The following GNA11 variants were observed in gnomAD, a reference collection of about 807,000 sequenced individuals.
GNA11 encodes the protein G protein subunit alpha 11, also known as guanine nucleotide-binding protein subunit alpha-11.
Under a neutral mutation model 38.2 loss-of-function variants are expected in GNA11, and 8 were observed. The observed-to-expected ratio is 0.21, with a 90% CI of 0.12 to 0.38. The LOEUF (loss-of-function observed/expected upper bound fraction) is 0.38. Ranked by LOEUF, GNA11 falls within the 10% of genes least tolerant of loss-of-function variation. GNA11 has a pLI of 1.00. For missense variants in GNA11, 268 were observed against 516.3 expected, an observed-to-expected ratio of 0.52 and a Z score of 4.66; for synonymous variants, 211 against 221.4, an observed-to-expected ratio of 0.95 and a Z score of 0.42.
chr19:3,110,495 A>G lies in GNA11; in HGVS notation c.321+162A>G, dbSNP rs1913747849. On this transcript the variant is annotated intron_variant, in intron 2 of 6. Coordinates refer to ENST00000078429, the MANE Select transcript of GNA11 (RefSeq NM_002067.5). The surrounding 1 kb of genome is among the most constrained non-coding windows in gnomAD (Gnocchi z 5.4). ...TCCTGTCATGGACATGGAAACAGCAACCGCTGACTTCCTGGGGGCCAACTG... is the reference window on the plus strand; with the variant it reads ...TCCTGTCATGGACATGGAAACAGCAGCCGCTGACTTCCTGGGGGCCAACTG... Among the ~76,000 whole-genome samples, 4 of 152,148 alleles carry G rather than the reference A, an allele frequency of 2.6e-5. No homozygotes were observed. In the South Asian group the frequency reaches 8.3e-4, roughly 32 times the overall value.
At chr19:3,107,921 TTCACACTCACCC>T (rs1913676711) in intron 1 of GNA11, among the ~76,000 whole-genome samples, 1 of 152,170 alleles carries the variant, frequency 6.6e-6, no homozygotes, top group Admixed American at 6.5e-5. Context: ...TGTTTTCACC[TTCACACTCACCC>T]TCACTCCTCC....
chr19:3,106,962 C>T (rs1281080077), intron 1 of GNA11, among the ~76,000 whole-genome samples: 2 of 152,270 alleles, frequency 1.3e-5, no homozygotes, highest in Middle Eastern at 3.4e-3. Flanking sequence ...ACAGGCCGGG[C>T]GCGGTGGCTC....
intron 4 of GNA11, chr19:3,118,076 C>G (rs1020113138): frequency 6.6e-6 from 1 of 152,204 alleles, no homozygotes; most frequent in Non-Finnish European, 1.5e-5. Context: ...CTGCTGGACT[C>G]CCCCGCAGAC....
chr19:3,113,174 GAC>G (rs928093269), intron 2 of GNA11, among the ~76,000 whole-genome samples, 154 bp from the exon 3 acceptor site: 5 of 152,228 alleles, frequency 3.3e-5, no homozygotes, highest in Non-Finnish European at 5.9e-5. Context: ...GCGTTTTTCT[GAC>G]ACGTGTTCAC....
At position 3,111,316 on chromosome 19, in the gene GNA11, G is replaced by A. The variant is rs371719427; in HGVS notation, c.321+983G>A. ...AAAGGAAGCCCCTTCCCCATCGGCC[G>A]TCACTCCCACCCCCTCCTCCAGCCC... On this transcript the variant is annotated intron_variant, in intron 2 of 6. Transcript: ENST00000078429. Among the ~76,000 whole-genome samples, 310 of 152,152 alleles carry A rather than the reference G, an allele frequency of 2.0e-3. 1 individual carries two copies. Among genetic ancestry groups the A allele is most frequent in the Admixed American group, 3.6e-3 (55 of 15,272 alleles).
intron 3 of GNA11, among the ~76,000 whole-genome samples, chr19:3,114,491 G>A (rs1343631400): frequency 6.6e-6 from 1 of 152,156 alleles, no homozygotes; most frequent in Admixed American, 6.5e-5. Flanking sequence ...AGACGGGCAC[G>A]GGGATCTGCT....
At chr19:3,114,700 G>C (rs975237227) in intron 3 of GNA11, among the ~76,000 whole-genome samples, 4 of 152,314 alleles carry the variant, frequency 2.6e-5, no homozygotes, top group African/African-American at 9.6e-5. Context: ...ACTTTCTCTT[G>C]TGCTGGGTCA....
At chr19:3,095,062 C>T (rs1030652015) in intron 1 of GNA11, among the ~76,000 whole-genome samples, 22 of 151,896 alleles carry the variant, frequency 1.4e-4, no homozygotes, top group East Asian at 1.9e-4. Context: ...GGCTCGGGAC[C>T]CTCTGGGGTC....
At chr19:3,105,337 G>A (rs138054114) in intron 1 of GNA11, among the ~76,000 whole-genome samples, 31 of 150,068 alleles carry the variant, frequency 2.1e-4, no homozygotes, top group African/African-American at 7.3e-4. Context: ...TAAACTACCC[G>A]AGTTTGTCTC....
chr19:3,113,481 A>C lies in GNA11; in HGVS notation c.473A>C (p.Lys158Thr). ...GAGTACCAGCTCTCCGACTCTGCCA[A>C]GTAGTAAGTGCGGCCGCACCGCTGG... ...RREYQLSDSA[K>T]YYLTDVDRIA... is the part of the protein sequence containing the mutation. The change falls in exon 3 of 7, where the codon AAG (lysine) becomes ACG (threonine). Residue 158 changes from lysine (K) to threonine (T), a missense_variant. This residue lies in a region of GNA11 where 151 missense variants were observed against 254.0 expected (regional missense o/e 0.59). Transcript: ENST00000078429. 6.3e-7 allele frequency: 1 copy of C among 1,596,788 alleles called. No individual in the cohort carries two copies. The highest frequency in any genetic ancestry group is 1.1e-5 in the South Asian group (1 of 89,272).
chr19:3,121,714 T>G lies in GNA11; in HGVS notation c.*535T>G. ...TCGGAGACGGACGTTTTTCCCCTTT[T>G]TTAAGTTATTGACGCCCAGCGCGCC... On this transcript the variant is annotated 3_prime_UTR_variant, in exon 7 of 7. Coordinates refer to ENST00000078429, the MANE Select transcript of GNA11 (RefSeq NM_002067.5). 4.3e-6 allele frequency: 1 copy of G among 232,688 alleles called. No homozygotes were observed. The highest frequency in any genetic ancestry group is 8.5e-6 in the Non-Finnish European group (1 of 117,830). The allele number at this position is 232,688 out of a possible 1,614,324, so 14.4% of individuals were successfully genotyped here. A position where few individuals can be genotyped will look rare whatever the true frequency, so the allele number is the denominator to read the frequency against.
rs1599298477 is a variant in GNA11 at position 3,103,819 on chromosome 19, C to T, written c.137-6330C>T. Among the ~76,000 whole-genome samples the T allele has an allele frequency of 2.0e-5, 3 of 152,024 alleles. No homozygotes were observed. In the South Asian group the frequency reaches 6.2e-4, roughly 32 times the overall value. On this transcript the variant is annotated intron_variant, in intron 1 of 6. Transcript: ENST00000078429. Reference sequence around the variant, plus strand: ...CCTGATTCACGCCATTCTCCTGCCTCAGCTTTCAGGCGCCTGCCACCATGC... The same window carrying T: ...CCTGATTCACGCCATTCTCCTGCCTTAGCTTTCAGGCGCCTGCCACCATGC...
At chr19:3,100,795 G>A (rs1358619062) in intron 1 of GNA11, among the ~76,000 whole-genome samples, 3 of 152,196 alleles carry the variant, frequency 2.0e-5, no homozygotes, top group Admixed American at 6.5e-5. Context: ...TTTCCCCATC[G>A]GTCACGTGGG....
Position 3,123,967 on chromosome 19 carries a change from CTG to C in GNA11, c.*2790_*2791del, listed in dbSNP as rs1491548982. ...TCATATCTTTCTCCTGAAATGAACT[CTG>C]TTTTAAATTGGAATAAATTTTGTTC... On this transcript the variant is annotated 3_prime_UTR_variant, in exon 7 of 7. Coordinates refer to ENST00000078429, the MANE Select transcript of GNA11 (RefSeq NM_002067.5). The C allele has an allele frequency of 8.9e-6, 2 of 225,564 alleles. No individual in the cohort carries two copies. The highest frequency in any genetic ancestry group is 1.8e-5 in the Non-Finnish European group (2 of 113,398). The allele number at this position is 225,564 out of a possible 1,614,324, so 14.0% of individuals were successfully genotyped here.
chr19:3,112,567 G>A (rs762509538), intron 2 of GNA11, among the ~76,000 whole-genome samples: 1 of 152,250 alleles, frequency 6.6e-6, no homozygotes, highest in Non-Finnish European at 1.5e-5. Context: ...GCCCCAAAGG[G>A]TGTTCACATG....
chr19:3,106,558 T>G (rs941792430), intron 1 of GNA11, among the ~76,000 whole-genome samples: 1 of 152,186 alleles, frequency 6.6e-6, no homozygotes, highest in African/African-American at 2.4e-5. Flanking sequence ...CCTGCTGGGC[T>G]CCTGCCTCCC....
chr19:3,112,449 C>T (rs1913797405), intron 2 of GNA11, among the ~76,000 whole-genome samples: 1 of 152,244 alleles, frequency 6.6e-6, no homozygotes, highest in Admixed American at 6.5e-5. Flanking sequence ...CAGTATGTCC[C>T]CTCCCCAGTC....
chr19:3,100,863 G>A lies in GNA11; in HGVS notation c.136+6076G>A, dbSNP rs1276122412. ...GGATTAAATGAGCTGAGGCCAGTGC[G>A]GCAGACAGCGGGGAGGGAGCCCTCT... On this transcript the variant is annotated intron_variant, in intron 1 of 6. Coordinates refer to ENST00000078429, the MANE Select transcript of GNA11 (RefSeq NM_002067.5). Among the ~76,000 whole-genome samples, 5 of 152,180 alleles carry A rather than the reference G, an allele frequency of 3.3e-5. No homozygotes were observed. The East Asian group carries it at 5.8e-4, about 18-fold the overall frequency.
chr19:3,096,591 C>T (rs1568277786), intron 1 of GNA11, among the ~76,000 whole-genome samples: 2 of 152,174 alleles, frequency 1.3e-5, no homozygotes, highest in Non-Finnish European at 2.9e-5. Context: ...CCGTGTCTGC[C>T]GCCTTGGCTG....
Sources: allele counts gnomAD v4.1 joint callset (sites outside exome capture counted in the v4.1 genomes callset), GRCh38; gene constraint gnomAD v4.1.1; regional missense constraint gnomAD v4.1.1; non-coding constraint Gnocchi (gnomAD v3.1); transcripts MANE v1.5; gene names NCBI Gene and HGNC (gene_info 2026-07-23, HGNC 2026-07-21).